Variants in FAM151B observed in about 807,000 individuals in gnomAD.
FAM151B encodes protein FAM151B.
FAM151B carries 24 observed loss-of-function variants against 31.2 expected under a neutral mutation model. The observed-to-expected ratio is 0.77, with a 90% CI of 0.56 to 1.08. The LOEUF is 1.08. FAM151B is among the 50% of genes least tolerant of loss of function. The pLI, the probability that FAM151B is intolerant of heterozygous loss-of-function variation, is 0.00. For missense variants in FAM151B, 293 were observed against 328.6 expected, an observed-to-expected ratio of 0.89 and a Z score of 0.84; for synonymous variants, 105 against 111.4, an observed-to-expected ratio of 0.94 and a Z score of 0.36.
chr5:80,491,946 G>T (rs1743348363), intron 1 of FAM151B, among the ~76,000 whole-genome samples: 1 of 152,084 alleles, frequency 6.6e-6, no homozygotes, highest in Non-Finnish European at 1.5e-5. Context: ...ATTAAATTTT[G>T]GGCTTTGCAA....
intron 2 of FAM151B, among the ~76,000 whole-genome samples, chr5:80,505,519 C>T (rs1343849652): frequency 6.6e-6 from 1 of 151,870 alleles, no homozygotes; most frequent in Non-Finnish European, 1.5e-5. Flanking sequence ...CTCAGCCTCC[C>T]AAGTAGCTGG....
chr5:80,509,701 T>TTTGGAAATATTTGGAA (rs1473473558), intron 2 of FAM151B, among the ~76,000 whole-genome samples: 1 of 152,252 alleles, frequency 6.6e-6, no homozygotes, highest in Non-Finnish European at 1.5e-5. Context: ...ATATTTTCTC[T>TTTGGAAATATTTGGAA]ATATGCTGCT....
intron 5 of FAM151B, among the ~76,000 whole-genome samples, chr5:80,532,256 T>A (rs1745277765): frequency 6.7e-6 from 1 of 148,802 alleles, no homozygotes; most frequent in African/African-American, 2.5e-5. Context: ...CATGAGGAGA[T>A]ATACCTAATG....
chr5:80,528,252 C>G lies in FAM151B; in HGVS notation c.671+6114C>G, dbSNP rs189130897. Among the ~76,000 whole-genome samples, 375 of 151,900 alleles carry G rather than the reference C, an allele frequency of 2.5e-3. 1 individual carries two copies. Among genetic ancestry groups the G allele is most frequent in the African/African-American group, 8.6e-3 (355 of 41,410 alleles). ...ACAAGCAAGAAGCTAAATCATATCACTAGAGAAAATCACCTTCACTAAAAG... is the reference window on the plus strand; with the variant it reads ...ACAAGCAAGAAGCTAAATCATATCAGTAGAGAAAATCACCTTCACTAAAAG... On this transcript the variant is annotated intron_variant, in intron 5 of 5. Coordinates refer to ENST00000282226, the MANE Select transcript of FAM151B (RefSeq NM_205548.3).
intron 3 of FAM151B, among the ~76,000 whole-genome samples, chr5:80,515,963 T>C (rs1172366059): frequency 6.6e-6 from 1 of 152,230 alleles, no homozygotes; most frequent in African/African-American, 2.4e-5. Context: ...CTGAATGACC[T>C]GTTAGTTAAG....
chr5:80,525,235 C>T (rs1744906390), intron 5 of FAM151B, among the ~76,000 whole-genome samples: 1 of 152,188 alleles, frequency 6.6e-6, no homozygotes, highest in South Asian at 2.1e-4. Context: ...AATATCCCAT[C>T]TTTATACGAG....
At chr5:80,502,103 G>A (rs1437735084) in intron 2 of FAM151B, among the ~76,000 whole-genome samples, 186 bp downstream of exon 2, 2 of 151,684 alleles carry the variant, frequency 1.3e-5, no homozygotes, top group East Asian at 1.9e-4. Context: ...TAGAGACATA[G>A]TCTCTCTCTG....
At chr5:80,498,494 G>C in intron 1 of FAM151B, 1 of 751,704 alleles carries the variant, frequency 1.3e-6, no homozygotes, top group Non-Finnish European at 2.2e-6. Context: ...TTTTAAAAAA[G>C]ATGTTAGCTC....
intron 2 of FAM151B, among the ~76,000 whole-genome samples, chr5:80,507,256 G>C (rs573775089): frequency 6.6e-6 from 1 of 152,294 alleles, no homozygotes; most frequent in Admixed American, 6.5e-5. Context: ...GAGGGTGACT[G>C]TGGCAGTTAG....
intron 3 of FAM151B, among the ~76,000 whole-genome samples, chr5:80,519,484 A>G (rs1744605059): frequency 6.6e-6 from 1 of 152,218 alleles, no homozygotes; most frequent in South Asian, 2.1e-4. Context: ...TTTAAGGTAT[A>G]TTCATGAATA....
At chr5:80,538,073 AT>A (rs56023066) in intron 5 of FAM151B, among the ~76,000 whole-genome samples, 87,406 of 141,202 alleles carry the variant, frequency 0.62, 26,646 homozygotes, top group African/African-American at 0.68. Context: ...TATTTTATTA[AT>A]TTTTTTTTTT....
intron 2 of FAM151B, among the ~76,000 whole-genome samples, chr5:80,506,917 G>A (rs1052113312): frequency 6.6e-6 from 1 of 151,678 alleles, no homozygotes. Flanking sequence ...TTGGGAGGTC[G>A]AGACCAGCCT....
intron 3 of FAM151B, among the ~76,000 whole-genome samples, chr5:80,514,924 A>G (rs1433393724): frequency 1.3e-5 from 2 of 152,210 alleles, no homozygotes; most frequent in Admixed American, 6.5e-5. Context: ...CTTGTGAATT[A>G]AAGAACTATC....
chr5:80,500,060 A>G lies in FAM151B; in HGVS notation c.26-1732A>G, dbSNP rs114943930. ...TGGTACATAGATAAAATGGAATATT[A>G]TTCAGCCCTAAAGAAGAATGAGAAC... On this transcript the variant is annotated intron_variant, in intron 1 of 5. Coordinates refer to ENST00000282226, the MANE Select transcript of FAM151B (RefSeq NM_205548.3). 7.0e-3 allele frequency: 1,461 copies of G among 208,300 alleles called. 29 individuals carry two copies. Among genetic ancestry groups the G allele is most frequent in the African/African-American group, 0.032 (1,364 of 42,464 alleles). 12.9% of individuals were successfully genotyped at this position (208,300 alleles called of 1,614,324 possible).
At chr5:80,526,196 G>GA (rs201657496) in intron 5 of FAM151B, among the ~76,000 whole-genome samples, 1,971 of 151,994 alleles carry the variant, frequency 0.013, 52 homozygotes, top group African/African-American at 0.046. Context: ...TCATTTGGTT[G>GA]AAAAAAATCA....
chr5:80,541,915 T>C lies in FAM151B; in HGVS notation c.*83T>C. On this transcript the variant is annotated 3_prime_UTR_variant, in exon 6 of 6. Coordinates refer to ENST00000282226, the MANE Select transcript of FAM151B (RefSeq NM_205548.3). The stretch of plus-strand genomic sequence containing the variant: ...TCTGAATTAATTACCATATAAATTA[T>C]GGTTATTGATTGACGTTCCAAGTCA... 1 of 1,402,144 alleles carries C rather than the reference T, an allele frequency of 7.1e-7. No homozygotes were observed. Among genetic ancestry groups the C allele is most frequent in the Non-Finnish European group, 9.6e-7 (1 of 1,038,846 alleles). 86.9% of individuals were successfully genotyped at this position (1,402,144 alleles called of 1,614,324 possible).
At chr5:80,498,994 C>A in intron 1 of FAM151B, 1 of 194,292 alleles carries the variant, frequency 5.1e-6, no homozygotes, top group East Asian at 1.2e-4. Context: ...GGTGGCAGCT[C>A]CACCACAGAT....
intron 5 of FAM151B, among the ~76,000 whole-genome samples, chr5:80,522,876 A>C (rs1248884160): frequency 6.6e-6 from 1 of 150,554 alleles, no homozygotes; most frequent in Non-Finnish European, 1.5e-5. Context: ...ACAGATGTTA[A>C]AAATTTTATT....
chr5:80,500,522 T>C (rs878987235), intron 1 of FAM151B: 73 of 759,362 alleles, frequency 9.6e-5, no homozygotes, highest in South Asian at 8.8e-4. Context: ...TAGGCAGATA[T>C]ACAGAACTGA....
Sources: allele counts gnomAD v4.1 joint callset (sites outside exome capture counted in the v4.1 genomes callset), GRCh38; gene constraint gnomAD v4.1.1; transcripts MANE v1.5; gene names NCBI Gene and HGNC (gene_info 2026-07-23, HGNC 2026-07-21).